The following CDK12 variants were observed in gnomAD, a reference collection of about 807,000 sequenced individuals.
CDK12 encodes cyclin-dependent kinase 12.
In CDK12, 17 loss-of-function variants were observed where a neutral mutation model predicts 133.8. The observed-to-expected ratio is 0.13, with a 90% confidence interval of 0.09 to 0.19. The LOEUF (loss-of-function observed/expected upper bound fraction) is 0.19. CDK12 is among the 10% of genes least tolerant of loss of function. The pLI, the probability that CDK12 is intolerant of heterozygous loss-of-function variation, is 1.00. For synonymous variants in CDK12, 694 were observed against 683.6 expected, an observed-to-expected ratio of 1.02 and a Z score of -0.24; for missense variants, 1,508 against 1,818.7, an observed-to-expected ratio of 0.83 and a Z score of 3.11.
Position 39,524,844 on chromosome 17 carries a change from C to A in CDK12, c.3266C>A (p.Pro1089His). Residue 1089 changes from proline to histidine, a missense_variant, in exon 12 of 14, where the codon CCT becomes CAT. Coordinates refer to ENST00000447079, the MANE Select transcript of CDK12 (RefSeq NM_016507.4). ...AACAGCAGCCCAGCACCACCTCAGC[C>A]TGCTCCTGGCAAGGTGGAGTCTGGG... ...VKNSSPAPPQ[P>H]APGKVESGAG... 6.2e-7 allele frequency: 1 copy of A among 1,614,192 alleles called. No homozygotes were observed.
At chr17:39,527,601 GC>G (rs1396003786) in intron 13 of CDK12, among the ~76,000 whole-genome samples, 4 of 152,236 alleles carry the variant, frequency 2.6e-5, no homozygotes. Context: ...AGGCTGGAGT[GC>G]AATGGCATGA....
At chr17:39,522,622 T>A (rs1285142730) in intron 11 of CDK12, among the ~76,000 whole-genome samples, 1 of 151,638 alleles carries the variant, frequency 6.6e-6, no homozygotes, top group Non-Finnish European at 1.5e-5. Context: ...TTAGTAGAGA[T>A]GAGGTTTCAC....
At chr17:39,545,740 T>C (rs909863777), upstream of CDK12, among the ~76,000 whole-genome samples, 5 of 150,822 alleles carry the variant, frequency 3.3e-5, no homozygotes, top group South Asian at 4.2e-4. Context: ...CCTCAGGTGA[T>C]CTGCCCACCT....
chr17:39,523,158 T>G (rs1243517585), intron 11 of CDK12, among the ~76,000 whole-genome samples: 4 of 152,022 alleles, frequency 2.6e-5, no homozygotes, highest in Non-Finnish European at 4.4e-5. Context: ...GAGATTCATA[T>G]CCCACATTAT....
At chr17:39,479,255 C>G (rs2050446625) in intron 2 of CDK12, among the ~76,000 whole-genome samples, 1 of 141,478 alleles carries the variant, frequency 7.1e-6, no homozygotes, top group East Asian at 2.1e-4. Context: ...TTGCAGTGAG[C>G]CGCGATCATG....
chr17:39,490,391 A>G, intron 2 of CDK12, among the ~76,000 whole-genome samples, 166 bp from the exon 3 acceptor site: 1 of 151,816 alleles, frequency 6.6e-6, no homozygotes, highest in Non-Finnish European at 1.5e-5. Flanking sequence ...AAAATTAAGT[A>G]TCTTTAGTTG....
At chr17:39,497,396 C>G (rs917599614) in intron 5 of CDK12, among the ~76,000 whole-genome samples, 2 of 151,986 alleles carry the variant, frequency 1.3e-5, no homozygotes, top group Non-Finnish European at 1.5e-5. Flanking sequence ...TGCGAAAATT[C>G]GCTGGGCATG....
chr17:39,492,553 G>A (rs1253323086), intron 3 of CDK12, among the ~76,000 whole-genome samples, 198 bp from the exon 4 acceptor site: 2 of 149,870 alleles, frequency 1.3e-5, no homozygotes, highest in Admixed American at 6.7e-5. Context: ...GACTACAGGC[G>A]CCCGCTACCA....
chr17:39,490,386 T>A (rs2051492158), intron 2 of CDK12, among the ~76,000 whole-genome samples, 171 bp from the exon 3 acceptor site: 1 of 151,910 alleles, frequency 6.6e-6, no homozygotes, highest in East Asian at 1.9e-4. Context: ...AGAAAAAAAT[T>A]AAGTATCTTT....
chr17:39,485,407 CCTT>C (rs1416305993), intron 2 of CDK12, among the ~76,000 whole-genome samples: 2 of 132,994 alleles, frequency 1.5e-5, no homozygotes, highest in East Asian at 2.1e-4. Context: ...GCATCCCCCC[CCTT>C]TTTTTTTTTT....
Position 39,524,809 on chromosome 17 carries a change from G to T in CDK12, c.3231G>T (p.Glu1077Asp). ...AAACTACCTCAGGGACAAGTACTGA[G>T]CCTGTGAAGAACAGCAGCCCAGCAC... ...RKETTSGTSTEPVKNSSPAPP... is the reference protein window; with the variant it reads ...RKETTSGTSTDPVKNSSPAPP... The change falls in exon 12 of 14, where the codon GAG becomes GAT. Residue 1077 changes from glutamate to aspartate, a missense_variant. Physicochemically the swap from Glu to Asp is conservative, Grantham distance 45. Coordinates refer to ENST00000447079, the MANE Select transcript of CDK12 (RefSeq NM_016507.4). 1 of 1,614,230 alleles carries T rather than the reference G, an allele frequency of 6.2e-7. No individual in the cohort carries two copies. The highest frequency in any genetic ancestry group is 8.5e-7 in the Non-Finnish European group (1 of 1,180,046).
chr17:39,480,027 GA>G (rs1033415740), intron 2 of CDK12, among the ~76,000 whole-genome samples: 1 of 150,656 alleles, frequency 6.6e-6, no homozygotes, highest in African/African-American at 2.4e-5. Flanking sequence ...GGGTTCAAGC[GA>G]TTTTCCTGCC....
At chr17:39,525,649 A>G (rs1296781509) in intron 12 of CDK12, among the ~76,000 whole-genome samples, 1 of 152,190 alleles carries the variant, frequency 6.6e-6, no homozygotes, top group Admixed American at 6.5e-5. Flanking sequence ...TTTATGCACA[A>G]TCCAGAGATG....
chr17:39,527,418 C>A (rs935492050), intron 13 of CDK12, among the ~76,000 whole-genome samples: 1 of 152,224 alleles, frequency 6.6e-6, no homozygotes, highest in Non-Finnish European at 1.5e-5. Context: ...TTAGCACTTC[C>A]ACCAGAGGGC....
chr17:39,535,713 A>G (rs1567799234), downstream of CDK12, among the ~76,000 whole-genome samples: 1 of 152,194 alleles, frequency 6.6e-6, no homozygotes, highest in Non-Finnish European at 1.5e-5. Context: ...GTTCTTTCCT[A>G]GATAGGCATC....
At position 39,461,941 on chromosome 17, in the gene CDK12, C is replaced by G. The variant is rs1461963966; in HGVS notation, c.-131C>G. On this transcript the variant is annotated 5_prime_UTR_variant, in exon 1 of 14. Coordinates refer to ENST00000447079, the MANE Select transcript of CDK12 (RefSeq NM_016507.4). ...GGGAGGGAGGAGGAGCCTGGGCTAC[C>G]GTCCCTGCCCTCCCCACCCCCTTCC... The G allele has an allele frequency of 1.5e-6, 1 of 684,958 alleles. No individual in the cohort carries two copies. The highest frequency in any genetic ancestry group is 1.8e-5 in the African/African-American group (1 of 54,434). 42.4% of individuals were successfully genotyped at this position (684,958 alleles called of 1,614,324 possible).
intron 11 of CDK12, among the ~76,000 whole-genome samples, chr17:39,521,035 G>T (rs551921083): frequency 6.6e-6 from 1 of 151,990 alleles, no homozygotes; most frequent in South Asian, 2.1e-4. Context: ...AGTAGAGACA[G>T]AGTTTCTCCA....
rs780248349 is a variant in CDK12, at chr17:39,462,190, C to G, written c.119C>G (p.Ser40Trp). 16 of 1,614,056 alleles carry G rather than the reference C, an allele frequency of 9.9e-6. No homozygotes were observed. Among genetic ancestry groups the G allele is most frequent in the South Asian group, 9.9e-5 (9 of 91,082 alleles). ...SNSRERHRLVSKHKRHKSKHS... is the reference protein window; with the variant it reads ...SNSRERHRLVWKHKRHKSKHS... The stretch of plus-strand genomic sequence containing the variant: ...AGCAGAGAGCGTCACCGCTTGGTAT[C>G]GAAGCACAAGCGGCATAAGTCCAAA... The change falls in exon 1 of 14, where the codon TCG becomes TGG. Residue 40 changes from serine to tryptophan, a missense_variant. Physicochemically the swap from Ser to Trp is radical, Grantham distance 177. Transcript: ENST00000447079.
chr17:39,563,471 C>CA (rs967956886), intron 3 of CDK12, among the ~76,000 whole-genome samples: 1 of 89,164 alleles, frequency 1.1e-5, no homozygotes, highest in Non-Finnish European at 2.3e-5. Context: ...CCGCCCCCCC[C>CA]CCGCCCCCAT....
Sources: allele counts gnomAD v4.1 joint callset (sites outside exome capture counted in the v4.1 genomes callset), GRCh38; gene constraint gnomAD v4.1.1; transcripts MANE v1.5; gene names NCBI Gene and HGNC (gene_info 2026-07-23, HGNC 2026-07-21).